ZFHX3: variants seen among roughly 807,000 people sequenced by gnomAD.
ZFHX3 encodes zinc finger homeobox 3.
In ZFHX3, 42 loss-of-function variants were observed where a neutral mutation model predicts 279.1. The observed-to-expected ratio is 0.15, with a 90% CI of 0.12 to 0.19. The LOEUF is 0.19. Ranked by LOEUF, ZFHX3 falls within the 10% of genes least tolerant of loss-of-function variation. ZFHX3 has a pLI of 1.00. For synonymous variants in ZFHX3, 2,293 were observed against 1,957.8 expected, an observed-to-expected ratio of 1.17 and a Z score of -4.52; for missense variants, 4,981 against 4,754.0, an observed-to-expected ratio of 1.05 and a Z score of -1.40.
chr16:73,568,440 C>T (rs535359935), intron 2 of ZFHX3, among the ~76,000 whole-genome samples: 3 of 152,294 alleles, frequency 2.0e-5, no homozygotes, highest in South Asian at 2.1e-4. Context: ...CAGGAACATG[C>T]ATTCCCCCAC....
intron 1 of ZFHX3, among the ~76,000 whole-genome samples, chr16:73,890,228 T>TA (rs1299346436): frequency 0.012 from 978 of 84,142 alleles, 17 homozygotes; most frequent in Admixed American, 0.039. Flanking sequence ...TGTAAGAGTG[T>TA]AAAAAAAAAA....
chr16:73,788,867 G>C (rs182494668), intron 1 of ZFHX3, among the ~76,000 whole-genome samples: 2 of 151,466 alleles, frequency 1.3e-5, no homozygotes, highest in Non-Finnish European at 2.9e-5. Context: ...CCAGCTACTC[G>C]GGAGGCTGAG....
At chr16:72,889,594 T>C in intron 4 of ZFHX3, 137 bp downstream of exon 4, 1 of 761,444 alleles carries the variant, frequency 1.3e-6, no homozygotes, top group Admixed American at 3.0e-5. Flanking sequence ...AACACAATGC[T>C]CACCTGTGAA....
chr16:73,364,029 C>T lies in ZFHX3; in HGVS notation c.-1290-45693G>A, dbSNP rs148589328. ...CTCTACTAAAAATACAAAAATTAGC[C>T]GGGCATGGTGACGCATGCCTGTCAT... On this transcript the variant is annotated intron_variant, in intron 3 of 17. Transcript: ENST00000641206. Among the ~76,000 whole-genome samples the T allele has an allele frequency of 7.0e-3, 1,066 of 152,038 alleles. 7 individuals are homozygous for T. Among genetic ancestry groups the T allele is most frequent in the African/African-American group, 0.024 (1,015 of 41,454 alleles).
In ZFHX3 at chr16:72,798,362, A is replaced by C; in HGVS notation, c.4320T>G (p.Thr1440=). 7 of 1,614,220 alleles carry C rather than the reference A, an allele frequency of 4.3e-6. No individual in the cohort carries two copies. The highest frequency in any genetic ancestry group is 5.9e-6 in the Non-Finnish European group (7 of 1,180,038). ...CAAGGTGCTTCTTCAGAGCCTGGAA[A>C]GTTCGGAAACTGCGCTGACAAAGAC... ...MCCLCQRSFR[T]FQALKKHLET... is the part of the protein sequence containing the mutation. Residue 1440 remains threonine, a synonymous_variant, in exon 9 of 10, where the codon ACT becomes ACG. Coordinates refer to ENST00000268489, the MANE Select transcript of ZFHX3 (RefSeq NM_006885.4).
chr16:73,034,168 T>C (rs1278049303), intron 1 of ZFHX3, among the ~76,000 whole-genome samples: 10 of 151,206 alleles, frequency 6.6e-5, no homozygotes, highest in African/African-American at 1.9e-4. Flanking sequence ...ATGGACAAGG[T>C]TGTTTCTGAG....
chr16:73,445,528 C>G lies in ZFHX3; in HGVS notation c.-1291+10475G>C, dbSNP rs142360542. On this transcript the variant is annotated intron_variant, in intron 3 of 17. Coordinates refer to the ZFHX3 transcript ENST00000641206. ...GCAGGATAGTTCCAAATGGAACTAT[C>G]TGAGCAGCCCTGAGAAGATCTTCCT... 2.6e-5 allele frequency among the ~76,000 whole-genome samples: 4 copies of G among 152,258 alleles called. No homozygotes were observed. In the East Asian group the frequency reaches 7.7e-4, roughly 29 times the overall value.
At chr16:73,352,572 C>T (rs1000901517) in intron 3 of ZFHX3, among the ~76,000 whole-genome samples, 7 of 149,422 alleles carry the variant, frequency 4.7e-5, no homozygotes, top group South Asian at 2.1e-4. Flanking sequence ...CTCTGCCTCC[C>T]GGGTTCAGGC....
intron 5 of ZFHX3, among the ~76,000 whole-genome samples, chr16:73,165,723 G>A (rs1413634805): frequency 6.6e-6 from 1 of 152,096 alleles, no homozygotes; most frequent in Non-Finnish European, 1.5e-5. Flanking sequence ...GTTCCATTAC[G>A]TCTCTTGGGC....
chr16:73,524,732 C>T (rs895457528), intron 2 of ZFHX3, among the ~76,000 whole-genome samples: 3 of 152,300 alleles, frequency 2.0e-5, no homozygotes, highest in South Asian at 4.1e-4. Flanking sequence ...CCTCTAGATG[C>T]GACTCTTATT....
intron 3 of ZFHX3, among the ~76,000 whole-genome samples, chr16:73,325,489 G>A (rs1264820366): frequency 6.6e-6 from 1 of 152,068 alleles, no homozygotes; most frequent in Non-Finnish European, 1.5e-5. Context: ...CACAGGGGAG[G>A]TGGCCAGTCC....
At chr16:73,530,272 C>G (rs993140713) in intron 2 of ZFHX3, among the ~76,000 whole-genome samples, 1 of 152,096 alleles carries the variant, frequency 6.6e-6, no homozygotes, top group East Asian at 1.9e-4. Context: ...AATTGCCCCC[C>G]TACTTATCTC....
At position 72,811,654 on chromosome 16, in the gene ZFHX3, T is replaced by C; in HGVS notation, c.3787A>G (p.Asn1263Asp). 6.2e-7 allele frequency: 1 copy of C among 1,613,842 alleles called. No homozygotes were observed. Among genetic ancestry groups the C allele is most frequent in the Non-Finnish European group, 8.5e-7 (1 of 1,179,902 alleles). The change falls in exon 7 of 10, where the codon AAC becomes GAC. Residue 1263 changes from asparagine to aspartate, a missense_variant. Asn to Asp is a conservative substitution (Grantham distance 23). This residue lies in a region of ZFHX3 where 1,751 missense variants were observed against 1,770.0 expected (regional missense o/e 0.99). Coordinates refer to ENST00000268489, the MANE Select transcript of ZFHX3 (RefSeq NM_006885.4). Reference sequence around the variant, plus strand: ...AGGTGCAGCTGGAGGTGGATCTTGTTGTTGAGCATGTCCTGGCACAGGGGG... The same window carrying C: ...AGGTGCAGCTGGAGGTGGATCTTGTCGTTGAGCATGTCCTGGCACAGGGGG... The part of the protein sequence containing the change: ...RCPLCQDMLN[N>D]KIHLQLHLTH...
intron 1 of ZFHX3, among the ~76,000 whole-genome samples, chr16:73,788,878 G>A (rs1159607307): frequency 6.6e-6 from 1 of 151,614 alleles, no homozygotes; most frequent in African/African-American, 2.4e-5. Flanking sequence ...GGAGGCTGAG[G>A]CAGGAGATCC....
chr16:73,523,526 A>T (rs1351963513), intron 2 of ZFHX3, among the ~76,000 whole-genome samples: 1 of 152,030 alleles, frequency 6.6e-6, no homozygotes, highest in Non-Finnish European at 1.5e-5. Context: ...TTTTGGCAAA[A>T]TCAGCCTTGC....
intron 2 of ZFHX3, among the ~76,000 whole-genome samples, chr16:73,600,988 A>G (rs985519916): frequency 1.4e-5 from 2 of 147,160 alleles, no homozygotes; most frequent in African/African-American, 2.5e-5. Flanking sequence ...CCTCAGCACC[A>G]TGAGTGATAG....
chr16:73,041,988 T>C (rs1036198144), intron 1 of ZFHX3, among the ~76,000 whole-genome samples: 1 of 152,168 alleles, frequency 6.6e-6, no homozygotes, highest in African/African-American at 2.4e-5. Context: ...CTTCAGCAAC[T>C]TCCACGGGAC....
intron 1 of ZFHX3, among the ~76,000 whole-genome samples, chr16:72,969,740 C>A (rs769082018): frequency 6.6e-6 from 1 of 152,242 alleles, no homozygotes; most frequent in South Asian, 2.1e-4. Context: ...TTGGAATCCA[C>A]TGAAGAACCA....
chr16:73,442,204 A>T (rs1267050511), intron 3 of ZFHX3, among the ~76,000 whole-genome samples: 2 of 152,190 alleles, frequency 1.3e-5, no homozygotes, highest in African/African-American at 4.8e-5. Context: ...GGGAAAGGAC[A>T]TTCATGTTAG....
Sources: allele counts gnomAD v4.1 joint callset (sites outside exome capture counted in the v4.1 genomes callset), GRCh38; gene constraint gnomAD v4.1.1; regional missense constraint gnomAD v4.1.1; transcripts MANE v1.5; gene names NCBI Gene and HGNC (gene_info 2026-07-23, HGNC 2026-07-21).